Variants in NIBAN1 observed in about 807,000 individuals in gnomAD.
NIBAN1 encodes niban apoptosis regulator 1, also known as protein Niban 1.
NIBAN1 carries 81 observed loss-of-function variants against 75.1 expected under a neutral mutation model. The observed-to-expected ratio is 1.08, with a 90% CI of 0.90 to 1.30. The LOEUF is 1.30. Among genes scored for constraint, NIBAN1 ranks in the 50% most tolerant of loss-of-function variants. The pLI, the probability that NIBAN1 is intolerant of heterozygous loss-of-function variation, is 0.00. For synonymous variants in NIBAN1, 436 were observed against 424.8 expected (o/e 1.03, Z -0.32); for missense variants, 1,133 against 1,128.1 (o/e 1.00, Z -0.06).
intron 9 of NIBAN1, among the ~76,000 whole-genome samples, chr1:184,815,172 A>G (rs1453187116): frequency 6.6e-6 from 1 of 152,216 alleles, no homozygotes; most frequent in Non-Finnish European, 1.5e-5. Context: ...TTCTAGTTGT[A>G]TAAAAGCTTT....
intron 1 of NIBAN1, among the ~76,000 whole-genome samples, chr1:184,932,926 G>A (rs1190665632): frequency 2.6e-5 from 4 of 152,080 alleles, no homozygotes; most frequent in African/African-American, 9.7e-5. Context: ...TGACAAAAAA[G>A]AGAAACACGA....
In NIBAN1 at chr1:184,927,999, T is replaced by C. The variant is rs1657724075; in HGVS notation, c.56-28690A>G. On this transcript the variant is annotated intron_variant, in intron 1 of 13. Transcript: ENST00000367511. Reference sequence around the variant, plus strand: ...AGCTCTGAGTCTCACTCAATGCCCATGGCAAGTACTGCCTGGGTACTGCTG... The same window carrying C: ...AGCTCTGAGTCTCACTCAATGCCCACGGCAAGTACTGCCTGGGTACTGCTG... Among the ~76,000 whole-genome samples, 4 of 151,976 alleles carry C rather than the reference T, an allele frequency of 2.6e-5. No homozygotes were observed. The South Asian group carries it at 8.3e-4, about 32-fold the overall frequency.
chr1:184,969,772 T>A (rs1302214436), intron 1 of NIBAN1, among the ~76,000 whole-genome samples: 1 of 151,344 alleles, frequency 6.6e-6, no homozygotes, highest in Admixed American at 6.6e-5. Context: ...GCTCAGGCAA[T>A]CCTACTGCTT....
chr1:184,819,525 G>A (rs189689907), intron 8 of NIBAN1, among the ~76,000 whole-genome samples: 11 of 152,340 alleles, frequency 7.2e-5, no homozygotes, highest in African/African-American at 2.4e-4. Flanking sequence ...AAGAGGGAGA[G>A]CACAGTGAAG....
chr1:184,921,303 A>T (rs542510830), intron 1 of NIBAN1, among the ~76,000 whole-genome samples: 1 of 152,282 alleles, frequency 6.6e-6, no homozygotes, highest in African/African-American at 2.4e-5. Flanking sequence ...GTCTCAAAAA[A>T]AAAATTTGTA....
intron 13 of NIBAN1, among the ~76,000 whole-genome samples, chr1:184,797,370 G>C (rs1441419415): frequency 6.6e-6 from 1 of 151,966 alleles, no homozygotes; most frequent in African/African-American, 2.4e-5. Context: ...TTGAACTCCT[G>C]ACCTCAAGTG....
At chr1:184,933,498 G>A (rs1347646586) in intron 1 of NIBAN1, among the ~76,000 whole-genome samples, 2 of 152,172 alleles carry the variant, frequency 1.3e-5, no homozygotes, top group African/African-American at 4.8e-5. Context: ...ATCAGGGATA[G>A]TGCTGGGCAC....
At chr1:184,889,235 G>A (rs545051214) in intron 4 of NIBAN1, among the ~76,000 whole-genome samples, 19 of 152,246 alleles carry the variant, frequency 1.2e-4, no homozygotes, top group Non-Finnish European at 2.4e-4. Context: ...ATCAAAGAAG[G>A]TTAGACCTAG....
intron 6 of NIBAN1, among the ~76,000 whole-genome samples, chr1:184,828,833 T>A (rs1654917030): frequency 6.6e-6 from 1 of 151,250 alleles, no homozygotes; most frequent in South Asian, 2.1e-4. Context: ...TGAGACAGGG[T>A]CTCTCTGTTG....
chr1:184,913,137 G>GTATATATATATATATATGA (rs56098797), intron 1 of NIBAN1, among the ~76,000 whole-genome samples: 19,767 of 109,198 alleles, frequency 0.18, 1,894 homozygotes, highest in South Asian at 0.28. Context: ...TATCATGCAG[G>GTATATATATATATATATGA]TATATATATA....
At chr1:184,943,781 T>A (rs1448527585) in intron 1 of NIBAN1, among the ~76,000 whole-genome samples, 1 of 152,206 alleles carries the variant, frequency 6.6e-6, no homozygotes, top group East Asian at 1.9e-4. Flanking sequence ...AGTGGAATTT[T>A]AGCTTATGTG....
intron 1 of NIBAN1, among the ~76,000 whole-genome samples, chr1:184,937,446 C>T (rs928552864): frequency 6.6e-6 from 1 of 152,112 alleles, no homozygotes; most frequent in South Asian, 2.1e-4. Context: ...CCTTTCTTCT[C>T]CACACCACCA....
rs147445193 is a variant in NIBAN1 at position 184,964,870 on chromosome 1, C to T, written c.55+9432G>A. Among the ~76,000 whole-genome samples, 544 of 152,292 alleles carry T rather than the reference C, an allele frequency of 3.6e-3. 3 individuals carry two copies. Among genetic ancestry groups the T allele is most frequent in the African/African-American group, 0.013 (521 of 41,562 alleles). On this transcript the variant is annotated intron_variant, in intron 1 of 13. Transcript: ENST00000367511. ...CCGTTCAAAAACTTTAATTCTATTT[C>T]TCATTGAATTTCAAGTTCCTCTAAA... is the stretch of plus-strand genomic sequence containing the variant.
intron 8 of NIBAN1, 91 bp downstream of exon 8, chr1:184,823,076 T>C: frequency 6.9e-7 from 1 of 1,446,090 alleles, no homozygotes. Context: ...TAAGTGTAAT[T>C]ATCCTCTGAA....
At chr1:184,808,650 G>T (rs139072031) in intron 9 of NIBAN1, among the ~76,000 whole-genome samples, 1 of 152,264 alleles carries the variant, frequency 6.6e-6, no homozygotes, top group East Asian at 1.9e-4. Flanking sequence ...CGCCAGGGAG[G>T]TCAGGATGCT....
intron 1 of NIBAN1, among the ~76,000 whole-genome samples, chr1:184,957,170 C>A (rs1398473912): frequency 6.6e-6 from 1 of 152,226 alleles, no homozygotes; most frequent in Admixed American, 6.5e-5. Context: ...CTGTTGCCAG[C>A]CAGTGTGAGC....
intron 1 of NIBAN1, among the ~76,000 whole-genome samples, chr1:184,943,849 C>T (rs938430483): frequency 4.6e-5 from 7 of 151,922 alleles, no homozygotes; most frequent in African/African-American, 1.5e-4. Context: ...CACTAGACAC[C>T]GAGGTGATAT....
At chr1:184,821,043 A>G (rs1654683587) in intron 8 of NIBAN1, among the ~76,000 whole-genome samples, 1 of 152,194 alleles carries the variant, frequency 6.6e-6, no homozygotes, top group Non-Finnish European at 1.5e-5. Context: ...ATTGGGAACC[A>G]CTGTGCTCTT....
intron 5 of NIBAN1, among the ~76,000 whole-genome samples, chr1:184,881,104 C>CACAT (rs1026209720): frequency 2.0e-5 from 3 of 148,548 alleles, no homozygotes; most frequent in African/African-American, 7.3e-5. Context: ...TGAGCATGCA[C>CACAT]ACACACACAC....
Sources: gnomAD v4.1 joint callset for allele counts (sites outside exome capture counted in the v4.1 genomes callset) on GRCh38, gnomAD v4.1.1 for gene constraint, MANE v1.5 for transcripts, NCBI Gene and HGNC (gene_info 2026-07-23, HGNC 2026-07-21) for gene names.